EPG5: variants seen among roughly 807,000 people sequenced by gnomAD.
EPG5 encodes ectopic P granules protein 5 homolog.
EPG5 carries 159 observed loss-of-function variants against 302.7 expected under a neutral mutation model. That is an observed-to-expected ratio of 0.53 (90% confidence interval 0.46 to 0.60). EPG5 has a LOEUF of 0.60. EPG5 is among the 20% of genes least tolerant of loss of function. EPG5 has a pLI of 0.00. For missense variants in EPG5, 2,896 were observed against 3,092.4 expected (o/e 0.94, Z 1.51); for synonymous variants, 1,158 against 1,136.8 (o/e 1.02, Z -0.37).
chr18:45,823,779 A>G, the EPG5 span, among the ~76,000 whole-genome samples: 1 of 152,198 alleles, frequency 6.6e-6, no homozygotes, highest in Non-Finnish European at 1.5e-5. Context: ...AGACCAGCAA[A>G]CAAACGATGA....
chr18:45,940,481 A>G (rs1021405752), intron 9 of EPG5, among the ~76,000 whole-genome samples: 22 of 151,188 alleles, frequency 1.5e-4, no homozygotes, highest in African/African-American at 4.9e-4. Flanking sequence ...GGGCAAAGTC[A>G]GAAGCAGGAA....
chr18:45,829,054 TGGAGG>T, the EPG5 span: 1 of 980,932 alleles, frequency 1.0e-6, no homozygotes, highest in South Asian at 4.7e-5. Context: ...GGGATCACTA[TGGAGG>T]CTGGGCAGGG....
intron 31 of EPG5, among the ~76,000 whole-genome samples, chr18:45,880,702 C>A (rs1267904864): frequency 1.3e-5 from 2 of 152,190 alleles, no homozygotes; most frequent in Non-Finnish European, 2.9e-5. Context: ...CATGGAAACG[C>A]TGGACAAGTC....
intron 29 of EPG5, 115 bp downstream of exon 29, chr18:45,887,636 G>T (rs952220012): frequency 2.3e-6 from 2 of 863,596 alleles, no homozygotes; most frequent in Admixed American, 7.2e-5. Context: ...TTCTGACTTG[G>T]GTAAGACTCT....
chr18:45,926,154 T>C (rs2050262770), intron 13 of EPG5, among the ~76,000 whole-genome samples: 1 of 152,240 alleles, frequency 6.6e-6, no homozygotes, highest in Non-Finnish European at 1.5e-5. Flanking sequence ...CAAATTGGTA[T>C]GCTTCAGTTT....
rs567081064 is a variant in EPG5, at chr18:45,913,013, G to A, written c.3817-557C>T. Among the ~76,000 whole-genome samples, 158 of 151,842 alleles carry A rather than the reference G, an allele frequency of 1.0e-3. 3 individuals carry two copies. In the South Asian group the frequency reaches 0.03, roughly 29 times the overall value. On this transcript the variant is annotated intron_variant, in intron 21 of 43. Coordinates refer to ENST00000282041, the MANE Select transcript of EPG5 (RefSeq NM_020964.3). ...TGAGGCATGAGAATTGCTTGAACCCGGAAGGTGGAGGTTGCAGTGAGCTGA... is the reference window on the plus strand; with the variant it reads ...TGAGGCATGAGAATTGCTTGAACCCAGAAGGTGGAGGTTGCAGTGAGCTGA...
At position 45,865,672 on chromosome 18, in the gene EPG5, C is replaced by T; in HGVS notation, c.6709G>A (p.Val2237Ile). Residue 2237 changes from valine (V) to isoleucine (I), a missense_variant, in exon 39 of 44, where the codon GTC becomes ATC. Coordinates refer to ENST00000282041, the MANE Select transcript of EPG5 (RefSeq NM_020964.3). ...LEQNGKITLA[V>I]LEQEMSKLLD... ...AGCTTAGACATTTCCTGTTCTAGGA[C>T]TGCTAAGGTGATTTTTCCATTTTGT... The T allele has an allele frequency of 2.5e-6, 4 of 1,613,316 alleles. No homozygotes were observed. Among genetic ancestry groups the T allele is most frequent in the Non-Finnish European group, 3.4e-6 (4 of 1,179,942 alleles).
At position 45,915,513 on chromosome 18, in the gene EPG5, G is replaced by A; in HGVS notation, c.3691C>T (p.Gln1231Ter). 2 of 1,608,826 alleles carry A rather than the reference G, an allele frequency of 1.2e-6. No individual in the cohort carries two copies. The highest frequency in any genetic ancestry group is 1.7e-6 in the Non-Finnish European group (2 of 1,175,286). ...SFVEGLATPT[Q>*]VWFAWTVLNM... Reference sequence around the variant, plus strand: ...GATCCTCTCAGTGAGTTTCCTACCTGAGTGGGCGTGGCCAAGCCCTCCACA... The same window carrying A: ...GATCCTCTCAGTGAGTTTCCTACCTAAGTGGGCGTGGCCAAGCCCTCCACA... Residue 1231 changes from glutamine (Q) to a stop codon, truncating the protein, a stop_gained and splice_region_variant, in exon 20 of 44, where the codon CAG becomes TAG. Coordinates refer to ENST00000282041, the MANE Select transcript of EPG5 (RefSeq NM_020964.3). LOFTEE classifies it high-confidence loss of function.
chr18:45,826,885 GA>G, the EPG5 span, among the ~76,000 whole-genome samples: 6 of 152,144 alleles, frequency 3.9e-5, no homozygotes, highest in African/African-American at 7.2e-5. Context: ...ACATAAGGCT[GA>G]AAACCCTATG....
intron 11 of EPG5, 92 bp downstream of exon 11, chr18:45,934,717 C>G: frequency 7.1e-7 from 1 of 1,411,692 alleles, no homozygotes; most frequent in South Asian, 1.4e-5. Context: ...AAAACATTTT[C>G]TCTTAGTCCT....
chr18:45,858,872 T>A, intron 40 of EPG5, 90 bp from the exon 41 acceptor site: 6 of 453,568 alleles, frequency 1.3e-5, no homozygotes, highest in Non-Finnish European at 2.0e-5. Context: ...AGCTTCATGA[T>A]TTTTTTTTTT....
At position 45,949,041 on chromosome 18, in the gene EPG5, A is replaced by G. The variant is rs527889685; in HGVS notation, c.1497+443T>C. On this transcript the variant is annotated intron_variant, in intron 5 of 43. Coordinates refer to ENST00000282041, the MANE Select transcript of EPG5 (RefSeq NM_020964.3). ...AGAGAGGAGAATCTAAAAACCACAT[A>G]GTCAACTCCTAAGTATACAAGAGTT... Among the ~76,000 whole-genome samples the G allele has an allele frequency of 1.2e-3, 186 of 152,318 alleles. 1 individual carries two copies. Among genetic ancestry groups the G allele is most frequent in the Middle Eastern group, 6.8e-3 (2 of 294 alleles).
At chr18:45,940,179 T>G (rs879581090) in intron 9 of EPG5, among the ~76,000 whole-genome samples, 1 of 152,086 alleles carries the variant, frequency 6.6e-6, no homozygotes, top group Non-Finnish European at 1.5e-5. Context: ...AGTGTCCACG[T>G]AGAAGAAACA....
intron 8 of EPG5, among the ~76,000 whole-genome samples, 177 bp downstream of exon 8, chr18:45,943,828 G>A (rs2050726259): frequency 6.6e-6 from 1 of 152,098 alleles, no homozygotes; most frequent in African/African-American, 2.4e-5. Context: ...GGCTGAGGCA[G>A]GAGAATGGCG....
At position 45,858,580 on chromosome 18, in the gene EPG5, T is replaced by C. The variant is rs1422066007; in HGVS notation, c.7212A>G (p.Glu2404=). The C allele has an allele frequency of 4.3e-6, 7 of 1,614,018 alleles. No individual in the cohort carries two copies. The highest frequency in any genetic ancestry group is 5.1e-6 in the Non-Finnish European group (6 of 1,179,992). Residue 2404 remains glutamate (E), a synonymous_variant, in exon 41 of 44, where the codon GAA becomes GAG. Transcript: ENST00000282041. ...KVLLILSKWL[E]QVYPSSVEEE... Reference sequence around the variant, plus strand: ...GGCCAACGTACCTTGGGTACACCTGTTCCAGCCACTTGCTTAAGATGAGCA... The same window carrying C: ...GGCCAACGTACCTTGGGTACACCTGCTCCAGCCACTTGCTTAAGATGAGCA...
intron 13 of EPG5, among the ~76,000 whole-genome samples, chr18:45,926,993 T>C (rs2050285707): frequency 6.6e-6 from 1 of 151,654 alleles, no homozygotes; most frequent in African/African-American, 2.4e-5. Flanking sequence ...GCTTTTTATC[T>C]CAATATAATC....
intron 5 of EPG5, 83 bp from the exon 6 acceptor site, chr18:45,948,659 A>C: frequency 1.8e-6 from 2 of 1,109,996 alleles, no homozygotes; most frequent in African/African-American, 1.6e-5. Flanking sequence ...CATTCTGACC[A>C]AAGTTGCTGT....
the EPG5 span, among the ~76,000 whole-genome samples, chr18:45,831,653 G>C: frequency 6.6e-6 from 1 of 152,100 alleles, no homozygotes; most frequent in Admixed American, 6.6e-5. Context: ...AATTCCAGGT[G>C]AGTTAAGGAC....
chr18:45,923,856 T>C (rs534915840), intron 14 of EPG5, among the ~76,000 whole-genome samples: 1 of 152,138 alleles, frequency 6.6e-6, no homozygotes, highest in South Asian at 2.1e-4. Context: ...TGGTGAAACC[T>C]TGTCTCTACT....
Sources: allele counts gnomAD v4.1 joint callset (sites outside exome capture counted in the v4.1 genomes callset), GRCh38; gene constraint gnomAD v4.1.1; transcripts MANE v1.5; gene names NCBI Gene and HGNC (gene_info 2026-07-23, HGNC 2026-07-21).